SLC2A9: variants seen among roughly 807,000 people sequenced by gnomAD.
The protein encoded by SLC2A9 is solute carrier family 2, facilitated glucose transporter member 9.
A neutral mutation model predicts 50.6 loss-of-function variants in SLC2A9; 39 were observed. That is an observed-to-expected ratio of 0.77 (90% CI 0.60 to 1.01). The LOEUF (loss-of-function observed/expected upper bound fraction) is 1.01. SLC2A9 is among the 50% of genes least tolerant of loss of function. SLC2A9 has a pLI of 0.00. For missense variants in SLC2A9, 686 were observed against 677.6 expected, an observed-to-expected ratio of 1.01 and a Z score of -0.14; for synonymous variants, 324 against 276.9, an observed-to-expected ratio of 1.17 and a Z score of -1.69.
chr4:9,890,850 T>C (rs1406884969), intron 8 of SLC2A9, 139 bp from the exon 9 acceptor site: 2 of 733,054 alleles, frequency 2.7e-6, no homozygotes, highest in African/African-American at 3.5e-5. Flanking sequence ...ACCTTCTTTA[T>C]GGCCACAGCC....
chr4:9,992,702 G>T (rs535389966), intron 3 of SLC2A9, among the ~76,000 whole-genome samples: 2 of 152,142 alleles, frequency 1.3e-5, no homozygotes. Context: ...GACAGATTTG[G>T]ATTTTTTAAA....
At chr4:10,010,778 C>A (rs1223904683) in intron 2 of SLC2A9, among the ~76,000 whole-genome samples, 1 of 152,226 alleles carries the variant, frequency 6.6e-6, no homozygotes, top group East Asian at 1.9e-4. Flanking sequence ...CTGTCCCGCC[C>A]ACCTCACCTT....
At chr4:9,997,714 G>A (rs991266273) in intron 2 of SLC2A9, among the ~76,000 whole-genome samples, 3 of 144,928 alleles carry the variant, frequency 2.1e-5, no homozygotes, top group East Asian at 3.9e-4. Context: ...GAAAAGTGGG[G>A]GGGCACATAC....
chr4:9,967,953 A>G (rs1296440380), intron 5 of SLC2A9, among the ~76,000 whole-genome samples: 1 of 152,156 alleles, frequency 6.6e-6, no homozygotes, highest in Non-Finnish European at 1.5e-5. Flanking sequence ...AAAGGGAATT[A>G]TTTATAAGCC....
chr4:9,778,233 C>T (rs1369926786), downstream of SLC2A9, among the ~76,000 whole-genome samples: 4 of 151,968 alleles, frequency 2.6e-5, no homozygotes, highest in Middle Eastern at 3.4e-3. Flanking sequence ...CCTCAGCCAC[C>T]TCTCTCTCTT....
chr4:9,950,747 G>GGGATA (rs1750076004), intron 5 of SLC2A9, among the ~76,000 whole-genome samples: 1 of 31,242 alleles, frequency 3.2e-5, no homozygotes, highest in Admixed American at 3.8e-4. Context: ...CAAAAAATTA[G>GGGATA]CCGGGCGTGG....
intron 10 of SLC2A9, among the ~76,000 whole-genome samples, chr4:9,887,177 G>A (rs1036616779): frequency 6.6e-6 from 1 of 152,208 alleles, no homozygotes; most frequent in African/African-American, 2.4e-5. Context: ...CAAAATCAAT[G>A]AACAATATGT....
At chr4:10,025,794 T>C, upstream of SLC2A9, 1 of 1,033,538 alleles carries the variant, frequency 9.7e-7, no homozygotes, top group Middle Eastern at 2.1e-4. Context: ...CACTCTTTTC[T>C]CTGCCCAGCT....
chr4:10,019,289 G>C, intron 1 of SLC2A9: 1 of 584,922 alleles, frequency 1.7e-6, no homozygotes, highest in Non-Finnish European at 3.1e-6. Flanking sequence ...CTCAGGTTTA[G>C]CGGCCACGCC....
At chr4:9,884,850 C>A (rs1400859069) in intron 10 of SLC2A9, among the ~76,000 whole-genome samples, 1 of 152,108 alleles carries the variant, frequency 6.6e-6, no homozygotes, top group African/African-American at 2.4e-5. Context: ...TGAGAAGGAA[C>A]AAGATCATGT....
chr4:9,816,852 C>T (rs1723668896), intron 3 of SLC2A9, among the ~76,000 whole-genome samples: 2 of 152,052 alleles, frequency 1.3e-5, no homozygotes, highest in Admixed American at 6.5e-5. Context: ...CACATACACC[C>T]TCTTAGTGGC....
intron 6 of SLC2A9, among the ~76,000 whole-genome samples, chr4:9,929,273 C>G (rs567575933): frequency 3.9e-5 from 6 of 152,308 alleles, no homozygotes; most frequent in African/African-American, 1.4e-4. Flanking sequence ...CGCAGCAGAG[C>G]CTGAGACACA....
In SLC2A9 at chr4:9,952,495, C is replaced by G. The variant is rs1560374327; in HGVS notation, c.682-10450G>C. ...TCTGCAGAACCATGAGCCAATTAAA[C>G]CTCTTTTCTTTATAAATTACCCTGT... On this transcript the variant is annotated intron_variant, in intron 5 of 11. Transcript: ENST00000264784. 2.0e-5 allele frequency among the ~76,000 whole-genome samples: 3 copies of G among 151,626 alleles called. 1 individual carries two copies. The Middle Eastern group carries it at 0.01, about 516-fold the overall frequency.
intron 10 of SLC2A9, among the ~76,000 whole-genome samples, chr4:9,848,418 T>C (rs1296607325): frequency 6.6e-6 from 1 of 151,840 alleles, no homozygotes; most frequent in South Asian, 2.1e-4. Flanking sequence ...CATGAGCATG[T>C]ATTAATTAGG....
chr4:10,028,703 A>G (rs887318695), intron 1 of SLC2A9, among the ~76,000 whole-genome samples: 2 of 152,212 alleles, frequency 1.3e-5, no homozygotes, highest in Non-Finnish European at 2.9e-5. Context: ...ACCTTCCTGC[A>G]AGATGCTGCC....
chr4:9,926,025 G>T (rs899927918), intron 6 of SLC2A9, among the ~76,000 whole-genome samples: 1 of 152,098 alleles, frequency 6.6e-6, no homozygotes, highest in Non-Finnish European at 1.5e-5. Flanking sequence ...GATGGAGCCC[G>T]CCAGCCTCCC....
Position 9,887,601 on chromosome 4 carries a change from A to G in SLC2A9, c.1257T>C (p.Ile419=). 1 of 1,570,890 alleles carries G rather than the reference A, an allele frequency of 6.4e-7. No individual in the cohort carries two copies. Among genetic ancestry groups the G allele is most frequent in the Non-Finnish European group, 8.6e-7 (1 of 1,157,694 alleles). ...PWVPYLSIVG[I]LAIIASFCSG... Reference sequence around the variant, plus strand: ...TGCAGAAAGAGGCGATGATGGCCAGAATGCCCACGATACTCAGGTAGGGGA... The same window carrying G: ...TGCAGAAAGAGGCGATGATGGCCAGGATGCCCACGATACTCAGGTAGGGGA... Residue 419 remains isoleucine (I), a synonymous_variant, in exon 10 of 12, where the codon ATT becomes ATC. Transcript: ENST00000264784.
Position 9,826,304 on chromosome 4 carries a change from A to G in SLC2A9, c.*93T>C, listed in dbSNP as rs963772001. On this transcript the variant is annotated 3_prime_UTR_variant, in exon 12 of 12. Coordinates refer to ENST00000264784, the MANE Select transcript of SLC2A9 (RefSeq NM_020041.3). The stretch of plus-strand genomic sequence containing the variant: ...CTTCAATTCATTTAAGCTTCCCAAT[A>G]ATGGGTAAATTTTAAGTTTCCTGAA... The G allele has an allele frequency of 7.7e-6, 10 of 1,290,370 alleles. No individual in the cohort carries two copies. In the East Asian group the frequency reaches 2.3e-4, roughly 30 times the overall value. 79.9% of individuals were successfully genotyped at this position (1,290,370 alleles called of 1,614,324 possible).
chr4:9,942,696 G>C (rs1748396076), intron 5 of SLC2A9, among the ~76,000 whole-genome samples: 1 of 152,230 alleles, frequency 6.6e-6, no homozygotes, highest in Admixed American at 6.5e-5. Context: ...ACTCCAAGCA[G>C]TGACATCCCC....
Sources: allele counts gnomAD v4.1 joint callset (sites outside exome capture counted in the v4.1 genomes callset), GRCh38; gene constraint gnomAD v4.1.1; transcripts MANE v1.5; gene names NCBI Gene and HGNC (gene_info 2026-07-23, HGNC 2026-07-21).